The following GLDC variants were observed in gnomAD, a reference collection of about 807,000 sequenced individuals.
GLDC encodes the protein glycine dehydrogenase (decarboxylating), mitochondrial.
In GLDC, 104 loss-of-function variants were observed where a neutral mutation model predicts 121.3. That is an observed-to-expected ratio of 0.86 (90% CI 0.73 to 1.01). The LOEUF (loss-of-function observed/expected upper bound fraction) is 1.01. Ranked by LOEUF, GLDC falls within the 50% of genes least tolerant of loss-of-function variation. GLDC has a pLI of 0.00. For missense variants in GLDC, 1,429 were observed against 1,306.6 expected, an observed-to-expected ratio of 1.09 and a Z score of -1.44; for synonymous variants, 546 against 480.6, an observed-to-expected ratio of 1.14 and a Z score of -1.78.
In GLDC at chr9:6,588,424, G is replaced by A. The variant is rs773483552; in HGVS notation, c.1684C>T (p.Leu562=). 1.9e-6 allele frequency: 3 copies of A among 1,612,138 alleles called. No individual in the cohort carries two copies. Among genetic ancestry groups the A allele is most frequent in the Non-Finnish European group, 2.5e-6 (3 of 1,178,318 alleles). ...ACTGCGAGTTCAGACGAACTGTTCAGTTTCATGGTGCAGGATCCCTTTAAG... is the reference window on the plus strand; with the variant it reads ...ACTGCGAGTTCAGACGAACTGTTCAATTTCATGGTGCAGGATCCCTTTAAG... The part of the protein sequence containing the change: ...MIPLGSCTMK[L]NSSSELAPIT... The change falls in exon 14 of 25, where the codon CTG becomes TTG. Residue 562 remains leucine, a synonymous_variant. Transcript: ENST00000321612.
chr9:6,565,736 A>C, intron 15 of GLDC: 2 of 575,364 alleles, frequency 3.5e-6, no homozygotes, highest in Non-Finnish European at 6.2e-6. Context: ...AAAAATTTCA[A>C]AACTATACCA....
intron 17 of GLDC, chr9:6,558,282 G>A: frequency 3.3e-6 from 2 of 598,582 alleles, no homozygotes; most frequent in Non-Finnish European, 5.9e-6. Flanking sequence ...GAGAAGGAGA[G>A]GGAAGATTGG....
chr9:6,640,764 A>G (rs574497868), intron 2 of GLDC, among the ~76,000 whole-genome samples: 1 of 152,260 alleles, frequency 6.6e-6, no homozygotes, highest in African/African-American at 2.4e-5. Flanking sequence ...AAGACTACAC[A>G]GCGAGGCATA....
rs1817588553 is a variant in GLDC at position 6,554,901 on chromosome 9, T to A, written c.2203-120A>T. 5.3e-6 allele frequency: 4 copies of A among 752,366 alleles called. No individual in the cohort carries two copies. In the East Asian group the frequency reaches 1.1e-4, roughly 20 times the overall value. 46.6% of individuals were successfully genotyped at this position (752,366 alleles called of 1,614,324 possible). ...CAGAGGAAAAGCAGGCAGAGCCACA[T>A]CCATGGTGTTCACAGAAATGTCCTC... On this transcript the variant is annotated intron_variant, in intron 18 of 24. Transcript: ENST00000321612.
Position 6,532,661 on chromosome 9 carries a change from C to T in GLDC, c.*356G>A. ...CCACAGATGGCACAGTCCACATGGA[C>T]TCTTTTGGAACAAAAAAATGTCTAT... is the stretch of plus-strand genomic sequence containing the variant. On this transcript the variant is annotated 3_prime_UTR_variant, in exon 25 of 25. Coordinates refer to ENST00000321612, the MANE Select transcript of GLDC (RefSeq NM_000170.3). 1 of 299,354 alleles carries T rather than the reference C, an allele frequency of 3.3e-6. No individual in the cohort carries two copies. Among genetic ancestry groups the T allele is most frequent in the Non-Finnish European group, 6.5e-6 (1 of 154,914 alleles). The allele number at this position is 299,354 out of a possible 1,614,324, so 18.5% of individuals were successfully genotyped here.
rs190489076 is a variant in GLDC at position 6,607,569 on chromosome 9, G to A, written c.636-900C>T. On this transcript the variant is annotated intron_variant, in intron 4 of 24. Coordinates refer to ENST00000321612, the MANE Select transcript of GLDC (RefSeq NM_000170.3). ...TGCACTCCAGCCTAGGCCACAGAGC[G>A]AGACTCTGTCTTAAATAAATAAATA... 3.5e-3 allele frequency among the ~76,000 whole-genome samples: 534 copies of A among 152,180 alleles called. 4 individuals are homozygous for A. Among genetic ancestry groups the A allele is most frequent in the African/African-American group, 0.012 (500 of 41,508 alleles).
intron 2 of GLDC, chr9:6,639,668 A>AAAAATAT: frequency 4.0e-6 from 1 of 248,640 alleles, no homozygotes. Context: ...ATAAAAAAAA[A>AAAAATAT]GTATATATAT....
At chr9:6,542,099 G>T (rs1001500325) in intron 21 of GLDC, 1 of 152,180 alleles carries the variant, frequency 6.6e-6, no homozygotes, top group African/African-American at 2.4e-5. Context: ...AATTAGCTGG[G>T]CGTGGTGGCG....
At chr9:6,577,055 G>A (rs902020500) in intron 15 of GLDC, among the ~76,000 whole-genome samples, 2 of 152,188 alleles carry the variant, frequency 1.3e-5, no homozygotes, top group African/African-American at 4.8e-5. Flanking sequence ...TATGTGGGCA[G>A]GGAATGACTG....
chr9:6,639,048 T>C, intron 2 of GLDC: 1 of 614,922 alleles, frequency 1.6e-6, no homozygotes, highest in Middle Eastern at 4.3e-4. Context: ...TGTCTTTCAA[T>C]AGTAGTCAGT....
intron 15 of GLDC, among the ~76,000 whole-genome samples, chr9:6,584,546 TA>T (rs147555067): frequency 0.035 from 5,253 of 152,246 alleles, 153 homozygotes; most frequent in East Asian, 0.1. Flanking sequence ...GAAACAAGGT[TA>T]AAAAAATCAC....
intron 22 of GLDC, 143 bp from the exon 23 acceptor site, chr9:6,536,379 T>C: frequency 2.6e-6 from 2 of 776,724 alleles, no homozygotes; most frequent in Non-Finnish European, 4.4e-6. Context: ...GGGACTCATC[T>C]CAGTGCTGTT....
chr9:6,620,984 G>T (rs770190315), intron 2 of GLDC, among the ~76,000 whole-genome samples: 8 of 152,112 alleles, frequency 5.3e-5, no homozygotes, highest in Non-Finnish European at 1.0e-4. Flanking sequence ...CCTGGGCAAG[G>T]CGGTGAAACC....
At chr9:6,558,256 A>AT in intron 17 of GLDC, 1 of 589,966 alleles carries the variant, frequency 1.7e-6, no homozygotes, top group Non-Finnish European at 3.0e-6. Context: ...CATTTTGATT[A>AT]TTAAGTGGGG....
At chr9:6,588,271 T>C (rs1818308869) in intron 14 of GLDC, 130 bp downstream of exon 14, 2 of 786,644 alleles carry the variant, frequency 2.5e-6, no homozygotes, top group Non-Finnish European at 2.3e-6. Flanking sequence ...AATAGCAAGG[T>C]AAAGAATTAT....
At chr9:6,565,504 C>G (rs541409028) in intron 15 of GLDC, 75 bp from the exon 16 acceptor site, 1 of 1,180,090 alleles carries the variant, frequency 8.5e-7, no homozygotes, top group Non-Finnish European at 1.3e-6. Flanking sequence ...TTTATTGGGC[C>G]CTGGCCAGGG....
intron 2 of GLDC, 34 bp from the exon 3 acceptor site, chr9:6,620,353 G>C: frequency 6.3e-7 from 1 of 1,593,164 alleles, no homozygotes; most frequent in Non-Finnish European, 8.6e-7. Context: ...GTTACAGACA[G>C]ATGTCTCAGA....
chr9:6,538,649 G>A lies in GLDC; in HGVS notation c.2665+1402C>T, dbSNP rs181966961. 2.6e-5 allele frequency among the ~76,000 whole-genome samples: 4 copies of A among 152,280 alleles called. No individual in the cohort carries two copies. The East Asian group carries it at 5.8e-4, about 22-fold the overall frequency. ...TTCTATCAATCTTCAAAACAACATT[G>A]AGGTCAGGAGACAACATGATTCAGA... is the stretch of plus-strand genomic sequence containing the variant. On this transcript the variant is annotated intron_variant, in intron 22 of 24. Coordinates refer to ENST00000321612, the MANE Select transcript of GLDC (RefSeq NM_000170.3).
chr9:6,604,710 G>A lies in GLDC; in HGVS notation c.936C>T (p.Ile312=), dbSNP rs79057118. 658 of 1,613,980 alleles carry A rather than the reference G, an allele frequency of 4.1e-4. 6 individuals carry two copies. In the East Asian group the frequency reaches 9.2e-3, roughly 23 times the overall value. ...LRPPGEFGVD[I]ALGSSQRFGV... is the part of the protein sequence containing the mutation. The stretch of plus-strand genomic sequence containing the variant: ...CAAATCTCTGGGAGCTGCCCAGGGC[G>A]ATGTCTACCCCAAATTCTCCAGGTG... The change falls in exon 7 of 25, where the codon ATC becomes ATT. Residue 312 remains isoleucine, a synonymous_variant. Transcript: ENST00000321612.
Sources: gnomAD v4.1 joint callset for allele counts (sites outside exome capture counted in the v4.1 genomes callset) on GRCh38, gnomAD v4.1.1 for gene constraint, MANE v1.5 for transcripts, NCBI Gene and HGNC (gene_info 2026-07-23, HGNC 2026-07-21) for gene names.